Variants in COL14A1 observed in about 807,000 individuals in gnomAD.
COL14A1 encodes the protein collagen type XIV alpha 1 chain.
A neutral mutation model predicts 230.3 loss-of-function variants in COL14A1; 136 were observed. The observed-to-expected ratio is 0.59, with a 90% CI of 0.51 to 0.68. The LOEUF (loss-of-function observed/expected upper bound fraction) is 0.68, where lower values mean the gene tolerates loss of function less well. Ranked by LOEUF, COL14A1 falls within the 30% of genes least tolerant of loss-of-function variation. The probability of loss-of-function intolerance (pLI) is 0.00; values close to 1 mark genes in which losing one functional copy is unlikely to be tolerated. For missense variants in COL14A1, 1,976 were observed against 2,215.8 expected (o/e 0.89, Z 2.17); for synonymous variants, 792 against 784.1 (o/e 1.01, Z -0.17).
chr8:120,162,356 A>G, intron 3 of COL14A1, 70 bp from the exon 4 acceptor site: 1 of 1,305,972 alleles, frequency 7.7e-7, no homozygotes, highest in Non-Finnish European at 1.0e-6. Flanking sequence ...ATTGCTAACT[A>G]ATAAAGTTTC....
intron 24 of COL14A1, among the ~76,000 whole-genome samples, chr8:120,265,017 C>A (rs1407484890): frequency 6.6e-6 from 1 of 152,088 alleles, no homozygotes; most frequent in East Asian, 1.9e-4. Flanking sequence ...CTTGTAGCTT[C>A]CACCCATTGG....
At chr8:120,149,328 A>C (rs911445744) in intron 2 of COL14A1, among the ~76,000 whole-genome samples, 1 of 152,210 alleles carries the variant, frequency 6.6e-6, no homozygotes, top group African/African-American at 2.4e-5. Flanking sequence ...TTTTGCATCC[A>C]CAAATTGCTA....
At chr8:120,253,042 T>A in intron 22 of COL14A1, among the ~76,000 whole-genome samples, 1 of 152,252 alleles carries the variant, frequency 6.6e-6, no homozygotes. Context: ...GATGTGACAC[T>A]GTTGTGGCTT....
At chr8:120,299,536 C>T (rs977037212) in intron 35 of COL14A1, among the ~76,000 whole-genome samples, 8 of 151,968 alleles carry the variant, frequency 5.3e-5, no homozygotes, top group African/African-American at 1.2e-4. Flanking sequence ...ATTTAAGAGG[C>T]GTAAATTCCA....
At chr8:120,254,117 G>A (rs935603269) in intron 22 of COL14A1, among the ~76,000 whole-genome samples, 1 of 151,962 alleles carries the variant, frequency 6.6e-6, no homozygotes, top group African/African-American at 2.4e-5. Context: ...ATAATTCCGA[G>A]GTATTTTTAT....
rs73327330 is a variant in COL14A1, at chr8:120,199,330, G to A, written c.713-72G>A. On this transcript the variant is annotated intron_variant, in intron 7 of 47. Coordinates refer to ENST00000297848, the MANE Select transcript of COL14A1 (RefSeq NM_021110.4). ...GGCTCAATAGGTTACCCATCTTGTG[G>A]TTATATCTTGAAGAATTAGGAGACT... 0.012 allele frequency: 16,586 copies of A among 1,375,572 alleles called. 1,340 individuals carry two copies. In the African/African-American group the frequency reaches 0.19, roughly 16 times the overall value. 85.2% of individuals were successfully genotyped at this position (1,375,572 alleles called of 1,614,324 possible).
intron 18 of COL14A1, among the ~76,000 whole-genome samples, chr8:120,229,518 AC>A (rs1227615055): frequency 7.2e-5 from 11 of 151,950 alleles, no homozygotes; most frequent in African/African-American, 2.4e-4. Context: ...TCATTGTTGG[AC>A]ATTTGGGTTG....
intron 45 of COL14A1, among the ~76,000 whole-genome samples, chr8:120,357,026 A>G (rs758081228): frequency 2.6e-5 from 4 of 152,090 alleles, no homozygotes; most frequent in Non-Finnish European, 5.9e-5. Flanking sequence ...GACTCTTTAC[A>G]GTGATCATGG....
At chr8:120,286,170 T>C (rs1285851632) in intron 33 of COL14A1, among the ~76,000 whole-genome samples, 200 bp downstream of exon 33, 1 of 152,118 alleles carries the variant, frequency 6.6e-6, no homozygotes, top group East Asian at 1.9e-4. Context: ...TGCATTTTTT[T>C]TTTTGGCAGG....
Position 120,223,355 on chromosome 8 carries a change from T to C in COL14A1, c.1738-1733T>C, listed in dbSNP as rs114559467. ...CCTGAACCTCAGGTAGCATCAAGAT[T>C]AGTCACTGATAGTATCATAAATAAG... On this transcript the variant is annotated intron_variant, in intron 14 of 47. Transcript: ENST00000297848. Among the ~76,000 whole-genome samples the C allele has an allele frequency of 9.3e-3, 1,416 of 152,202 alleles. 14 individuals are homozygous for C. Among genetic ancestry groups the C allele is most frequent in the African/African-American group, 0.032 (1,349 of 41,538 alleles).
chr8:120,192,007 A>G (rs1293228363), intron 5 of COL14A1, among the ~76,000 whole-genome samples: 1 of 151,332 alleles, frequency 6.6e-6, no homozygotes, highest in African/African-American at 2.4e-5. Context: ...CCAATTTGCC[A>G]GTCTGTGTCT....
At chr8:120,320,369 T>C (rs879228843) in intron 40 of COL14A1, among the ~76,000 whole-genome samples, 7 of 152,298 alleles carry the variant, frequency 4.6e-5, no homozygotes, top group Admixed American at 4.6e-4. Context: ...AAATTCTTTT[T>C]TTAAAAGCAA....
intron 40 of COL14A1, among the ~76,000 whole-genome samples, chr8:120,320,395 T>C (rs1045296329): frequency 6.6e-6 from 1 of 152,146 alleles, no homozygotes; most frequent in East Asian, 1.9e-4. Flanking sequence ...AAATTTTTTT[T>C]CTTGGATTTC....
intron 26 of COL14A1, among the ~76,000 whole-genome samples, chr8:120,275,722 A>G (rs1819818146): frequency 6.6e-6 from 1 of 152,076 alleles, no homozygotes; most frequent in South Asian, 2.1e-4. Context: ...CCACAAACAT[A>G]TGGAAAAATG....
intron 5 of COL14A1, among the ~76,000 whole-genome samples, chr8:120,189,359 G>A (rs995580042): frequency 4.6e-5 from 7 of 152,150 alleles, no homozygotes; most frequent in Middle Eastern, 3.4e-3. Flanking sequence ...AAGTGAGTAC[G>A]TACTAGTCTT....
At chr8:120,156,910 G>A (rs1006899463) in intron 2 of COL14A1, among the ~76,000 whole-genome samples, 2 of 152,176 alleles carry the variant, frequency 1.3e-5, no homozygotes, top group African/African-American at 4.8e-5. Flanking sequence ...GTAGGAGAAT[G>A]TTTGTTTCTT....
chr8:120,176,422 A>G (rs1016551445), intron 5 of COL14A1, among the ~76,000 whole-genome samples: 1 of 152,140 alleles, frequency 6.6e-6, no homozygotes, highest in Admixed American at 6.5e-5. Context: ...TTTTTGAGGT[A>G]TATTTTCACT....
chr8:120,146,131 A>G (rs1241671999), intron 1 of COL14A1, among the ~76,000 whole-genome samples: 1 of 152,202 alleles, frequency 6.6e-6, no homozygotes, highest in Middle Eastern at 3.2e-3. Context: ...GTAACTATGT[A>G]TTAGAATTGT....
chr8:120,219,839 T>C (rs1032692083), intron 14 of COL14A1, among the ~76,000 whole-genome samples: 5 of 152,330 alleles, frequency 3.3e-5, no homozygotes, highest in South Asian at 4.1e-4. Flanking sequence ...GCATTTGCTA[T>C]TTCTGGGAAA....
Sources: allele counts gnomAD v4.1 joint callset (sites outside exome capture counted in the v4.1 genomes callset), GRCh38; gene constraint gnomAD v4.1.1; transcripts MANE v1.5; gene names NCBI Gene and HGNC (gene_info 2026-07-23, HGNC 2026-07-21).